Variants in SLC9A9 observed in about 807,000 individuals in gnomAD.
The protein encoded by SLC9A9 is solute carrier family 9 member A9.
SLC9A9 carries 62 observed loss-of-function variants against 77.8 expected under a neutral mutation model. That is an observed-to-expected ratio of 0.80 (90% confidence interval 0.65 to 0.98). SLC9A9 has a LOEUF of 0.98. SLC9A9 is among the 50% of genes least tolerant of loss of function. The pLI, the probability that SLC9A9 is intolerant of heterozygous loss-of-function variation, is 0.00. For synonymous variants in SLC9A9, 320 were observed against 283.5 expected, an observed-to-expected ratio of 1.13 and a Z score of -1.29; for missense variants, 775 against 774.9, an observed-to-expected ratio of 1.00 and a Z score of 0.00.
At chr3:143,784,970 G>A (rs562071847) in intron 4 of SLC9A9, among the ~76,000 whole-genome samples, 1 of 152,250 alleles carries the variant, frequency 6.6e-6, no homozygotes, top group African/African-American at 2.4e-5. Context: ...ATCGTGAAGA[G>A]GGCCCTCACC....
At chr3:143,716,233 C>A (rs918507373) in intron 4 of SLC9A9, among the ~76,000 whole-genome samples, 10 of 152,014 alleles carry the variant, frequency 6.6e-5, no homozygotes, top group African/African-American at 2.4e-4. Flanking sequence ...TGCCACCATG[C>A]CAGGCTCATT....
intron 4 of SLC9A9, among the ~76,000 whole-genome samples, chr3:143,760,680 C>T (rs939836508): frequency 3.9e-4 from 59 of 152,086 alleles, no homozygotes; most frequent in African/African-American, 1.4e-3. Flanking sequence ...CACTGCTCAA[C>T]AAAATAAAAG....
intron 8 of SLC9A9, among the ~76,000 whole-genome samples, chr3:143,565,325 C>G (rs2037150790): frequency 6.6e-6 from 1 of 152,160 alleles, no homozygotes; most frequent in South Asian, 2.1e-4. Flanking sequence ...TTTGTGCCAT[C>G]TTCTGACAAT....
In SLC9A9 at chr3:143,268,941, C is replaced by T; in HGVS notation, c.1644G>A (p.Leu548=). The change falls in exon 15 of 16, where the codon CTG becomes CTA. Residue 548 remains leucine, a synonymous_variant. Coordinates refer to ENST00000316549, the MANE Select transcript of SLC9A9 (RefSeq NM_173653.4). ...KPILTHSGPP[L]TTTLPEWCGP... The stretch of plus-strand genomic sequence containing the variant: ...CACACCATTCAGGTAATGTTGTAGT[C>T]AGCGGAGGACCAGAGTGGGTTAAAA... The T allele has an allele frequency of 6.2e-7, 1 of 1,613,708 alleles. No individual in the cohort carries two copies. The highest frequency in any genetic ancestry group is 8.5e-7 in the Non-Finnish European group (1 of 1,179,804).
intron 12 of SLC9A9, among the ~76,000 whole-genome samples, chr3:143,419,022 T>C (rs1215079460): frequency 6.6e-6 from 1 of 152,238 alleles, no homozygotes; most frequent in East Asian, 1.9e-4. Flanking sequence ...CATTTTCTTG[T>C]CCCTTTCCCT....
At chr3:143,452,574 T>C (rs1019060858) in intron 12 of SLC9A9, among the ~76,000 whole-genome samples, 2 of 151,502 alleles carry the variant, frequency 1.3e-5, no homozygotes, top group African/African-American at 4.8e-5. Flanking sequence ...TAAAATATCT[T>C]ATAAGTTTTT....
chr3:143,475,356 C>T (rs2108575846), intron 11 of SLC9A9, among the ~76,000 whole-genome samples: 1 of 152,208 alleles, frequency 6.6e-6, no homozygotes, highest in East Asian at 1.9e-4. Flanking sequence ...GGAAAGTACG[C>T]TTGGTAAGAG....
At chr3:143,409,282 C>T (rs1391888953) in intron 12 of SLC9A9, among the ~76,000 whole-genome samples, 2 of 152,202 alleles carry the variant, frequency 1.3e-5, no homozygotes, top group Admixed American at 6.5e-5. Flanking sequence ...ATCTGATCTT[C>T]CATGGCTTGA....
At chr3:143,509,029 CTCATTG>C (rs955644188) in intron 9 of SLC9A9, among the ~76,000 whole-genome samples, 3 of 152,170 alleles carry the variant, frequency 2.0e-5, no homozygotes, top group African/African-American at 7.2e-5. Flanking sequence ...ACAGTTAAAA[CTCATTG>C]TCATTAGGCA....
At chr3:143,343,290 G>C (rs750558179) in intron 14 of SLC9A9, 1 of 152,016 alleles carries the variant, frequency 6.6e-6, no homozygotes, top group Non-Finnish European at 1.5e-5. Context: ...GAAATGTTTT[G>C]ATTTTTTTGT....
intron 6 of SLC9A9, among the ~76,000 whole-genome samples, chr3:143,637,785 A>G (rs898815092): frequency 6.6e-6 from 1 of 152,178 alleles, no homozygotes. Flanking sequence ...GCTCATTGGT[A>G]TAAAACTAGT....
intron 11 of SLC9A9, among the ~76,000 whole-genome samples, chr3:143,482,520 A>T (rs904293172): frequency 6.6e-6 from 1 of 152,194 alleles, no homozygotes; most frequent in African/African-American, 2.4e-5. Context: ...TCTGGCTCCT[A>T]CAACCTTCCC....
chr3:143,285,163 C>T (rs1328520896), intron 14 of SLC9A9, among the ~76,000 whole-genome samples: 1 of 152,098 alleles, frequency 6.6e-6, no homozygotes, highest in Non-Finnish European at 1.5e-5. Flanking sequence ...ACACACGTGC[C>T]ATGGTGGTTT....
At chr3:143,509,066 C>G (rs1160657511) in intron 9 of SLC9A9, among the ~76,000 whole-genome samples, 2 of 152,198 alleles carry the variant, frequency 1.3e-5, no homozygotes, top group Non-Finnish European at 2.9e-5. Flanking sequence ...AATTCAATTT[C>G]TGATCTATGG....
intron 5 of SLC9A9, among the ~76,000 whole-genome samples, chr3:143,676,513 C>T (rs1272581706): frequency 1.3e-5 from 2 of 151,904 alleles, no homozygotes; most frequent in Non-Finnish European, 2.9e-5. Flanking sequence ...CTGAGGAGGG[C>T]GGATCATGAG....
At chr3:143,414,730 C>A (rs1026121774) in intron 12 of SLC9A9, among the ~76,000 whole-genome samples, 3 of 152,150 alleles carry the variant, frequency 2.0e-5, no homozygotes, top group Non-Finnish European at 4.4e-5. Flanking sequence ...CCTGAGACAG[C>A]AGTATTGAAA....
chr3:143,520,937 C>T (rs1349126419), intron 9 of SLC9A9, among the ~76,000 whole-genome samples: 3 of 152,174 alleles, frequency 2.0e-5, no homozygotes, highest in Non-Finnish European at 4.4e-5. Flanking sequence ...GGTAGCTTAT[C>T]TCCTATGGAA....
chr3:143,536,604 G>A (rs535898040), intron 9 of SLC9A9, among the ~76,000 whole-genome samples: 1 of 152,288 alleles, frequency 6.6e-6, no homozygotes, highest in East Asian at 1.9e-4. Context: ...GCAAGTCACT[G>A]TAGAAGGGAG....
At chr3:143,751,298 G>T (rs1157039014) in intron 4 of SLC9A9, among the ~76,000 whole-genome samples, 1 of 152,210 alleles carries the variant, frequency 6.6e-6, no homozygotes, top group Non-Finnish European at 1.5e-5. Flanking sequence ...CCACCTAATT[G>T]TTGGTGGTGG....
Sources: allele counts gnomAD v4.1 joint callset (sites outside exome capture counted in the v4.1 genomes callset), GRCh38; gene constraint gnomAD v4.1.1; transcripts MANE v1.5; gene names NCBI Gene and HGNC (gene_info 2026-07-23, HGNC 2026-07-21).